The following CTBP2 variants were observed in gnomAD, a reference collection of about 807,000 sequenced individuals.
CTBP2 encodes the protein C-terminal binding protein 2, also known as C-terminal-binding protein 2.
In CTBP2, 30 loss-of-function variants were observed where a neutral mutation model predicts 80.3. That is an observed-to-expected ratio of 0.37 (90% CI 0.28 to 0.51). The LOEUF is 0.51. CTBP2 is among the 20% of genes least tolerant of loss of function. The pLI is 0.93. For missense variants in CTBP2, 1,212 were observed against 1,375.3 expected (o/e 0.88, Z 1.88); for synonymous variants, 594 against 587.4 (o/e 1.01, Z -0.16).
intron 2 of CTBP2, among the ~76,000 whole-genome samples, chr10:125,094,266 A>G (rs1029118802): frequency 6.6e-6 from 1 of 152,162 alleles, no homozygotes; most frequent in Non-Finnish European, 1.5e-5. Context: ...CCATCCCAAC[A>G]TGTCACCCTG....
chr10:125,141,625 G>A (rs965527416), intron 1 of CTBP2, among the ~76,000 whole-genome samples: 1 of 152,010 alleles, frequency 6.6e-6, no homozygotes, highest in Non-Finnish European at 1.5e-5. Context: ...TAAGCACATG[G>A]CAAGCACACA....
At chr10:125,134,657 G>A (rs1200359962) in intron 1 of CTBP2, among the ~76,000 whole-genome samples, 2 of 152,090 alleles carry the variant, frequency 1.3e-5, no homozygotes, top group African/African-American at 4.8e-5. Context: ...AGCAGCCCCA[G>A]ACACGCGGCG....
chr10:125,104,095 A>G (rs1290175880), intron 2 of CTBP2, among the ~76,000 whole-genome samples: 4 of 152,210 alleles, frequency 2.6e-5, no homozygotes, highest in Non-Finnish European at 5.9e-5. Context: ...CTCGTTTTCC[A>G]CAAATCCCTA....
At chr10:125,013,914 T>G (rs1590071875) in intron 1 of CTBP2, among the ~76,000 whole-genome samples, 1 of 152,160 alleles carries the variant, frequency 6.6e-6, no homozygotes, top group Non-Finnish European at 1.5e-5. Context: ...CAGGCTGAGG[T>G]AGGTCTTAAA....
At chr10:125,074,629 G>C (rs1488452160) in intron 2 of CTBP2, among the ~76,000 whole-genome samples, 1 of 152,248 alleles carries the variant, frequency 6.6e-6, no homozygotes. Flanking sequence ...ACAGGCATGA[G>C]CCACAGTGCC....
At chr10:125,095,676 G>A (rs1424151201) in intron 2 of CTBP2, among the ~76,000 whole-genome samples, 2 of 152,178 alleles carry the variant, frequency 1.3e-5, no homozygotes, top group African/African-American at 4.8e-5. Flanking sequence ...ATGACTTTTC[G>A]ATGTTGGCAG....
At position 124,994,526 on chromosome 10, in the gene CTBP2, C is replaced by G; in HGVS notation, c.2343G>C (p.Leu781Phe). Residue 781 changes from leucine (L) to phenylalanine (F), a missense_variant, in exon 5 of 9, where the codon TTG becomes TTC. Leu to Phe is a conservative substitution (Grantham distance 22, BLOSUM62 0). Coordinates refer to ENST00000309035, the MANE Select transcript of CTBP2 (RefSeq NM_022802.3). ...GGTTATGTTCGTTGAGATTGCAGTG[C>G]AAGGAGACGCAGTCGCTCTGATACA... The G allele has an allele frequency of 6.2e-7, 1 of 1,614,004 alleles. No homozygotes were observed. The highest frequency in any genetic ancestry group is 8.5e-7 in the Non-Finnish European group (1 of 1,179,874).
chr10:124,995,398 G>A (rs1274189795), intron 4 of CTBP2, among the ~76,000 whole-genome samples: 4 of 152,136 alleles, frequency 2.6e-5, no homozygotes, highest in African/African-American at 7.2e-5. Context: ...GGTCCCCCTC[G>A]ATAGCACCTC....
chr10:125,072,177 T>C (rs929527565), intron 2 of CTBP2, among the ~76,000 whole-genome samples: 1 of 151,898 alleles, frequency 6.6e-6, no homozygotes. Context: ...CCAGGCATGG[T>C]GGCGTGCGCC....
intron 8 of CTBP2, 40 bp downstream of exon 10, chr10:124,992,655 G>A (rs1952844784): frequency 1.3e-6 from 2 of 1,483,684 alleles, no homozygotes; most frequent in Non-Finnish European, 1.8e-6. Flanking sequence ...CCGGGGCCGT[G>A]GTGCTCACAA....
chr10:125,049,358 T>C (rs1023045317), intron 2 of CTBP2, among the ~76,000 whole-genome samples: 1 of 152,216 alleles, frequency 6.6e-6, no homozygotes, highest in African/African-American at 2.4e-5. Flanking sequence ...ATACAGCACA[T>C]GCTTGGCCTG....
At position 125,154,256 on chromosome 10, in the gene CTBP2, C is replaced by T. The variant is rs181769732; in HGVS notation, c.-206+6063G>A. ...TGAAAAGCCCAGCCCTCCCTCTCCCCCCTCACCCCTGCCTCCAGGGCTTTT... is the reference window on the plus strand; with the variant it reads ...TGAAAAGCCCAGCCCTCCCTCTCCCTCCTCACCCCTGCCTCCAGGGCTTTT... On this transcript the variant is annotated intron_variant, in intron 1 of 10. Coordinates refer to the CTBP2 transcript ENST00000337195. Among the ~76,000 whole-genome samples the T allele has an allele frequency of 6.6e-3, 1,002 of 152,280 alleles. 2 individuals are homozygous for T. The highest frequency in any genetic ancestry group is 0.021 in the South Asian group (103 of 4,828).
intron 4 of CTBP2, 146 bp downstream of exon 6, chr10:124,997,815 TCTC>T (rs1168218696): frequency 2.6e-6 from 2 of 769,628 alleles, no homozygotes; most frequent in Admixed American, 2.9e-5. Context: ...TTGACTCCGA[TCTC>T]CTACCCCGTG....
At chr10:124,995,637 G>A (rs1009241759) in intron 4 of CTBP2, among the ~76,000 whole-genome samples, 1 of 152,280 alleles carries the variant, frequency 6.6e-6, no homozygotes, top group African/African-American at 2.4e-5. Flanking sequence ...GCCTGGCTAG[G>A]ACAACTGCCG....
chr10:125,022,921 G>A (rs1194478030), intron 1 of CTBP2, among the ~76,000 whole-genome samples: 6 of 152,260 alleles, frequency 3.9e-5, no homozygotes, highest in Non-Finnish European at 5.9e-5. Context: ...GGTGTGGGCC[G>A]ATGGCGGCGA....
chr10:124,998,298 C>T, intron 3 of CTBP2, 128 bp from the exon 6 acceptor site: 1 of 1,078,128 alleles, frequency 9.3e-7, no homozygotes, highest in Non-Finnish European at 1.3e-6. Flanking sequence ...TATCGTCTAG[C>T]AGACGCGGGG....
At chr10:125,001,737 C>T (rs1246481541) in intron 3 of CTBP2, among the ~76,000 whole-genome samples, 4 of 152,304 alleles carry the variant, frequency 2.6e-5, no homozygotes, top group Non-Finnish European at 4.4e-5. Context: ...GCTCCCTGCT[C>T]GCCCGGCTCC....
intron 1 of CTBP2, among the ~76,000 whole-genome samples, chr10:125,156,094 T>G (rs1443398287): frequency 6.6e-6 from 1 of 152,194 alleles, no homozygotes; most frequent in East Asian, 1.9e-4. Context: ...GCCCTCCCAT[T>G]TTTTAGTTAC....
In CTBP2 at chr10:125,066,074, CA is replaced by C. The variant is rs4020629; in HGVS notation, c.-101-26920del. On this transcript the variant is annotated intron_variant, in intron 2 of 10. Coordinates refer to the CTBP2 transcript ENST00000337195. This position sits in a 1 kb window ranked among gnomAD's most constrained non-coding sequence, Gnocchi z 4.1. ...CCTGATTGTGCCATGGCACTCTAGC[CA>C]AAAAAAAAAAGCCGTCATCTTCTTG... 4.7e-4 allele frequency among the ~76,000 whole-genome samples: 65 copies of C among 137,760 alleles called. No homozygotes were observed. Among genetic ancestry groups the C allele is most frequent in the Admixed American group, 5.2e-4 (7 of 13,548 alleles). The allele number at this position is 137,760 out of a possible 152,430, so 90.4% of individuals were successfully genotyped here.
Sources: gnomAD v4.1 joint callset for allele counts (sites outside exome capture counted in the v4.1 genomes callset) on GRCh38, gnomAD v4.1.1 for gene constraint, Gnocchi (gnomAD v3.1) non-coding constraint, MANE v1.5 for transcripts, NCBI Gene and HGNC (gene_info 2026-07-23, HGNC 2026-07-21) for gene names.